WDR20: variants seen among roughly 807,000 people sequenced by gnomAD.
WDR20 encodes WD repeat-containing protein 20.
A neutral mutation model predicts 38.7 loss-of-function variants in WDR20; 3 were observed. The ratio of observed to expected loss-of-function variants is 0.08; its 90% CI spans 0.04 to 0.20. WDR20 has a LOEUF of 0.20. WDR20 is among the 10% of genes least tolerant of loss of function. The probability of loss-of-function intolerance (pLI) is 1.00; values close to 1 mark genes in which losing one functional copy is unlikely to be tolerated. For synonymous variants in WDR20, 298 were observed against 285.6 expected (o/e 1.04, Z -0.44); for missense variants, 559 against 727.7 (o/e 0.77, Z 2.67).
chr14:102,215,046 A>G, downstream of WDR20: 1 of 960,778 alleles, frequency 1.0e-6, no homozygotes, highest in Non-Finnish European at 1.2e-6. Context: ...TCTAAGCTTT[A>G]AAAATCCCAG....
At position 102,207,137 on chromosome 14, in the gene WDR20, C is replaced by T. The variant is rs937162437; in HGVS notation, c.433-1466C>T. On this transcript the variant is annotated intron_variant, in intron 2 of 2. Coordinates refer to ENST00000342702, the MANE Select transcript of WDR20 (RefSeq NM_144574.4). This position sits in a 1 kb window ranked among gnomAD's most constrained non-coding sequence, Gnocchi z 5.0. Reference sequence around the variant, plus strand: ...ATTAATTTAAGAGGACCAGCCATGCCGTTTTACGGCAGTAAGCAGTGACAC... The same window carrying T: ...ATTAATTTAAGAGGACCAGCCATGCTGTTTTACGGCAGTAAGCAGTGACAC... Among the ~76,000 whole-genome samples the T allele has an allele frequency of 3.9e-5, 6 of 152,212 alleles. No individual in the cohort carries two copies. The highest frequency in any genetic ancestry group is 7.3e-5 in the Non-Finnish European group (5 of 68,042).
chr14:102,187,121 G>A (rs1226743794), intron 1 of WDR20, among the ~76,000 whole-genome samples: 1 of 152,068 alleles, frequency 6.6e-6, no homozygotes, highest in South Asian at 2.1e-4. Flanking sequence ...TCCCTGTTTT[G>A]GTTGTCTGAG....
In WDR20 at chr14:102,139,911, G is replaced by A. The variant is rs1204996611; in HGVS notation, c.-13G>A. On this transcript the variant is annotated 5_prime_UTR_variant, in exon 1 of 3. Coordinates refer to ENST00000342702, the MANE Select transcript of WDR20 (RefSeq NM_144574.4). ...TCCGGGCACTTAGGGCAGGATGAAC[G>A]CTGCTTTCCAAGATGGCGACGGAGG... 9 of 1,611,060 alleles carry A rather than the reference G, an allele frequency of 5.6e-6. No homozygotes were observed. Among genetic ancestry groups the A allele is most frequent in the Non-Finnish European group, 7.6e-6 (9 of 1,177,426 alleles).
At chr14:102,167,290 G>C (rs1359181955) in intron 1 of WDR20, 2 of 152,108 alleles carry the variant, frequency 1.3e-5, no homozygotes, top group African/African-American at 2.4e-5. Flanking sequence ...ATAGCCCACC[G>C]GTAACCTCAA....
intron 1 of WDR20, 41 bp downstream of exon 1, chr14:102,140,213 G>A (rs1330029772): frequency 1.2e-6 from 2 of 1,603,118 alleles, no homozygotes; most frequent in Non-Finnish European, 1.7e-6. Context: ...AGCGGCGTAG[G>A]CAGAGGCCGG....
At chr14:102,161,335 A>G (rs2058709256) in intron 1 of WDR20, among the ~76,000 whole-genome samples, 1 of 143,860 alleles carries the variant, frequency 7.0e-6, no homozygotes, top group Non-Finnish European at 1.5e-5. Context: ...TTTTTTTAAG[A>G]CAGGATCTCT....
intron 1 of WDR20, among the ~76,000 whole-genome samples, chr14:102,146,428 G>T (rs2053675020): frequency 1.3e-5 from 2 of 152,158 alleles, no homozygotes; most frequent in African/African-American, 4.8e-5. Context: ...CTCTCAAAGT[G>T]CTGGGATTAC....
At chr14:102,192,677 GT>G (rs929336870) in intron 1 of WDR20, among the ~76,000 whole-genome samples, 95 of 152,238 alleles carry the variant, frequency 6.2e-4, no homozygotes, top group African/African-American at 2.2e-3. Flanking sequence ...TACTTCCTCT[GT>G]TGTTTCTGAG....
chr14:102,145,780 AAAC>A (rs2053398509), intron 1 of WDR20, among the ~76,000 whole-genome samples: 2 of 141,468 alleles, frequency 1.4e-5, no homozygotes, highest in Admixed American at 7.3e-5. Flanking sequence ...CAAAAAAACA[AAAC>A]AATCAATAAT....
chr14:102,158,571 C>T (rs1285232086), intron 1 of WDR20, among the ~76,000 whole-genome samples: 3 of 152,096 alleles, frequency 2.0e-5, no homozygotes, highest in Non-Finnish European at 4.4e-5. Context: ...GTTGAGATTA[C>T]AGGCATTAGC....
At chr14:102,201,168 G>A (rs533891146) in intron 2 of WDR20, among the ~76,000 whole-genome samples, 3 of 152,256 alleles carry the variant, frequency 2.0e-5, no homozygotes, top group African/African-American at 7.2e-5. Flanking sequence ...AATACTTCCT[G>A]AGCCCTCTTC....
chr14:102,217,308 C>T (rs553128496), downstream of WDR20, among the ~76,000 whole-genome samples: 53 of 152,304 alleles, frequency 3.5e-4, no homozygotes, highest in African/African-American at 1.1e-3. Context: ...GACTTGCACA[C>T]GTTCTCTCTG....
downstream of WDR20, chr14:102,224,472 T>A (rs1470143649): frequency 2.4e-6 from 1 of 412,216 alleles, no homozygotes; most frequent in African/African-American, 2.1e-5. Context: ...TGTTTATTTA[T>A]TTTTTTAAAA....
intron 1 of WDR20, chr14:102,193,414 C>A: frequency 6.3e-7 from 1 of 1,579,450 alleles, no homozygotes; most frequent in Non-Finnish European, 8.7e-7. Flanking sequence ...CTTTGTATTA[C>A]ACTTTTCAAG....
intron 1 of WDR20, among the ~76,000 whole-genome samples, chr14:102,144,398 C>G (rs1015305825): frequency 6.6e-6 from 1 of 151,566 alleles, no homozygotes; most frequent in African/African-American, 2.4e-5. Context: ...AGGAGAATCA[C>G]TTGAACCCTG....
At chr14:102,199,259 C>T (rs1312571469) in intron 2 of WDR20, among the ~76,000 whole-genome samples, 1 of 151,682 alleles carries the variant, frequency 6.6e-6, no homozygotes, top group East Asian at 1.9e-4. Flanking sequence ...GAACAGCACC[C>T]ACCTGAGAGG....
At position 102,140,149 on chromosome 14, in the gene WDR20, T is replaced by C; in HGVS notation, c.226T>C (p.Tyr76His). ...CFNVGRELYF[Y>H]IYKGVRKAAD... ...CAATGTGGGCCGGGAGCTGTACTTC[T>C]ATATCTACAAGGGGGTCCGCAAGGT... The change falls in exon 1 of 3, where the codon TAT becomes CAT. Residue 76 changes from tyrosine (Y) to histidine (H), a missense_variant. Tyr to His is a moderately conservative substitution (Grantham distance 83). Coordinates refer to ENST00000342702, the MANE Select transcript of WDR20 (RefSeq NM_144574.4). 6.2e-7 allele frequency: 1 copy of C among 1,613,552 alleles called. No homozygotes were observed.
chr14:102,216,066 CT>C (rs2063181349), downstream of WDR20, among the ~76,000 whole-genome samples: 1 of 152,220 alleles, frequency 6.6e-6, no homozygotes, highest in Non-Finnish European at 1.5e-5. Context: ...TGGCAGCCGG[CT>C]GAGCCCTGTG....
At chr14:102,141,519 G>A (rs899704996) in intron 1 of WDR20, among the ~76,000 whole-genome samples, 38 of 152,064 alleles carry the variant, frequency 2.5e-4, no homozygotes, top group African/African-American at 9.2e-4. Context: ...AATTGCAAAA[G>A]CTCGAAGTAG....
Sources: allele counts gnomAD v4.1 joint callset (sites outside exome capture counted in the v4.1 genomes callset), GRCh38; gene constraint gnomAD v4.1.1; non-coding constraint Gnocchi (gnomAD v3.1); transcripts MANE v1.5; gene names NCBI Gene and HGNC (gene_info 2026-07-23, HGNC 2026-07-21).